Variants in RELL1 observed in about 807,000 individuals in gnomAD.
The protein encoded by RELL1 is RELT like 1, also known as RELT-like protein 1.
RELL1 carries 10 observed loss-of-function variants against 23.0 expected under a neutral mutation model. The ratio of observed to expected loss-of-function variants is 0.43; its 90% CI spans 0.27 to 0.74. The LOEUF is 0.74. RELL1 is among the 30% of genes least tolerant of loss of function. RELL1 has a pLI of 0.19. For missense variants in RELL1, 315 were observed against 364.4 expected, an observed-to-expected ratio of 0.86 and a Z score of 1.10; for synonymous variants, 146 against 146.8, an observed-to-expected ratio of 0.99 and a Z score of 0.04.
chr4:37,615,969 G>T (rs1719561487), intron 6 of RELL1, among the ~76,000 whole-genome samples: 1 of 151,588 alleles, frequency 6.6e-6, no homozygotes, highest in African/African-American at 2.4e-5. Flanking sequence ...TGTTAAAAAG[G>T]ATTCTCTAGA....
Position 37,596,163 on chromosome 4 carries a change from G to T in RELL1, c.*4-4946C>A, listed in dbSNP as rs910821126. 3.9e-5 allele frequency among the ~76,000 whole-genome samples: 6 copies of T among 152,112 alleles called. No individual in the cohort carries two copies. The East Asian group carries it at 7.7e-4, about 20-fold the overall frequency. On this transcript the variant is annotated intron_variant, in intron 6 of 6. Coordinates refer to the RELL1 transcript ENST00000314117. ...TGAAATCCGGCTGTGCCTCTTGCTC[G>T]CTGTGTGACCTTTTGACTTTAAGTT...
At chr4:37,631,571 C>A in intron 5 of RELL1, 48 bp from the exon 6 acceptor site, 1 of 1,595,428 alleles carries the variant, frequency 6.3e-7, no homozygotes. Flanking sequence ...TTCTAATAAA[C>A]AAGAATTATG....
chr4:37,634,961 A>G lies in RELL1; in HGVS notation c.606T>C (p.Phe202=). 3.1e-6 allele frequency: 5 copies of G among 1,614,228 alleles called. No homozygotes were observed. Among genetic ancestry groups the G allele is most frequent in the Non-Finnish European group, 4.2e-6 (5 of 1,180,050 alleles). Reference sequence around the variant, plus strand: ...CTCTGGACTTGTTAGTGGGCTTTATAAAGTGCCACCGCTTGTGCCTACACC... The same window carrying G: ...CTCTGGACTTGTTAGTGGGCTTTATGAAGTGCCACCGCTTGTGCCTACACC... ...CHRCRHKRWH[F]IKPTNKSRES... The change falls in exon 5 of 7, where the codon TTT becomes TTC. Residue 202 remains phenylalanine, a synonymous_variant. Transcript: ENST00000454158.
chr4:37,593,100 C>A (rs1020312398), intron 6 of RELL1, among the ~76,000 whole-genome samples: 3 of 152,162 alleles, frequency 2.0e-5, no homozygotes, highest in Non-Finnish European at 2.9e-5. Context: ...AAGATAAAGT[C>A]TTGGCATTGT....
downstream of RELL1, chr4:37,590,045 A>C: frequency 7.1e-7 from 1 of 1,412,794 alleles, no homozygotes; most frequent in Non-Finnish European, 9.7e-7. Context: ...AAAAGCATTA[A>C]TGATGGAGCA....
intron 1 of RELL1, among the ~76,000 whole-genome samples, chr4:37,660,825 A>G (rs1018793126): frequency 6.6e-6 from 1 of 152,116 alleles, no homozygotes; most frequent in Admixed American, 6.6e-5. Flanking sequence ...AGGTCAGGAG[A>G]TCAAGACCAT....
chr4:37,669,702 A>G (rs535905281), intron 1 of RELL1, among the ~76,000 whole-genome samples: 1,948 of 152,262 alleles, frequency 0.013, 30 homozygotes, highest in African/African-American at 0.04. Flanking sequence ...AAATTCTTCT[A>G]CCTTGGGATC....
At chr4:37,648,316 A>C (rs752603580) in intron 2 of RELL1, among the ~76,000 whole-genome samples, 10 of 152,350 alleles carry the variant, frequency 6.6e-5, no homozygotes, top group Non-Finnish European at 1.5e-4. Context: ...TACATGACTC[A>C]TCATGCAATC....
At chr4:37,637,450 A>C (rs17577571) in intron 4 of RELL1, among the ~76,000 whole-genome samples, 5,624 of 152,278 alleles carry the variant, frequency 0.037, 273 homozygotes, top group East Asian at 0.16. Flanking sequence ...GGCTATCATG[A>C]TGTGGTGACT....
At chr4:37,600,749 T>G (rs1718992745) in intron 6 of RELL1, among the ~76,000 whole-genome samples, 1 of 151,020 alleles carries the variant, frequency 6.6e-6, no homozygotes, top group Middle Eastern at 3.2e-3. Context: ...AGGTTGTGTC[T>G]GGCTTGGGTT....
Position 37,635,001 on chromosome 4 carries a change from C to T in RELL1, c.566G>A (p.Arg189Lys). 1 of 1,614,176 alleles carries T rather than the reference C, an allele frequency of 6.2e-7. No individual in the cohort carries two copies. The highest frequency in any genetic ancestry group is 8.5e-7 in the Non-Finnish European group (1 of 1,180,028). The change falls in exon 5 of 7, where the codon AGG (arginine) becomes AAG (lysine). Residue 189 changes from arginine (R) to lysine (K), a missense_variant. Physicochemically the swap from Arg to Lys is conservative, Grantham distance 26. Coordinates refer to ENST00000454158, the MANE Select transcript of RELL1 (RefSeq NM_001085400.2). ...GTGCCTACACCGATGACACACATCCCTCTCGACAACACCGCCCACCGTATG... is the reference window on the plus strand; with the variant it reads ...GTGCCTACACCGATGACACACATCCTTCTCGACAACACCGCCCACCGTATG... ...HLHTVGGVVE[R>K]DVCHRCRHKR... is the part of the protein sequence containing the mutation.
In RELL1 at chr4:37,686,228, G is replaced by A; in HGVS notation, c.60C>T (p.Gly20=). Residue 20 remains glycine (G), a synonymous_variant, in exon 1 of 7, where the codon GGC becomes GGT. Transcript: ENST00000454158. ...GAGCCACCAGCGGCGAACTCACGGC[G>A]CCTCCCACGAAGACAGCAGCGGCTA... ...AVLAAAVFVG[G]AVSSPLVAPD... is the part of the protein sequence containing the mutation. 1 of 1,580,622 alleles carries A rather than the reference G, an allele frequency of 6.3e-7. No homozygotes were observed. Among genetic ancestry groups the A allele is most frequent in the South Asian group, 1.1e-5 (1 of 88,868 alleles).
At chr4:37,598,478 T>C (rs1391180882) in intron 6 of RELL1, among the ~76,000 whole-genome samples, 2 of 152,192 alleles carry the variant, frequency 1.3e-5, no homozygotes, top group East Asian at 3.9e-4. Context: ...AGTACTGCTA[T>C]GTGTTAAGCA....
downstream of RELL1, among the ~76,000 whole-genome samples, chr4:37,589,076 T>C (rs1474435479): frequency 6.6e-6 from 1 of 152,212 alleles, no homozygotes; most frequent in African/African-American, 2.4e-5. Context: ...GTGCCCTAGA[T>C]TTTTTTAACT....
At chr4:37,633,370 C>T (rs1280255552) in intron 5 of RELL1, among the ~76,000 whole-genome samples, 1 of 129,304 alleles carries the variant, frequency 7.7e-6, no homozygotes, top group African/African-American at 2.9e-5. Context: ...GTTCACACCA[C>T]TGCACTCCAG....
exon 7 of RELL1, chr4:37,590,972 C>T: frequency 6.2e-7 from 1 of 1,612,786 alleles, no homozygotes; most frequent in Non-Finnish European, 8.5e-7. Context: ...GCTGCTACTG[C>T]AGGAGAAGAT....
chr4:37,588,938 T>C (rs761991267), downstream of RELL1: 4 of 1,535,624 alleles, frequency 2.6e-6, no homozygotes, highest in Non-Finnish European at 3.6e-6. Flanking sequence ...TGGAGGAATT[T>C]GTGATGAGCG....
chr4:37,643,641 CAA>C (rs1448845303), intron 3 of RELL1, among the ~76,000 whole-genome samples: 1 of 152,132 alleles, frequency 6.6e-6, no homozygotes, highest in Non-Finnish European at 1.5e-5. Flanking sequence ...TCCAATTTAT[CAA>C]AGACAGAAAA....
intron 3 of RELL1, among the ~76,000 whole-genome samples, chr4:37,642,685 A>G (rs3849014): frequency 1 from 151,970 of 152,310 alleles, 75,816 homozygotes; most frequent in Middle Eastern, 1. Context: ...GGAGCCCCTA[A>G]ACAGTCTCAG....
Sources: gnomAD v4.1 joint callset for allele counts (sites outside exome capture counted in the v4.1 genomes callset) on GRCh38, gnomAD v4.1.1 for gene constraint, MANE v1.5 for transcripts, NCBI Gene and HGNC (gene_info 2026-07-23, HGNC 2026-07-21) for gene names.